Variants in SEMA3A observed in about 807,000 individuals in gnomAD.
SEMA3A encodes semaphorin 3A, also known as semaphorin-3A.
Under a neutral mutation model 97.9 loss-of-function variants are expected in SEMA3A, and 29 were observed. The observed-to-expected ratio is 0.30, with a 90% CI of 0.22 to 0.40. SEMA3A has a LOEUF of 0.40. SEMA3A is among the 10% of genes least tolerant of loss of function. The pLI is 1.00. For missense variants in SEMA3A, 763 were observed against 951.3 expected (o/e 0.80, Z 2.60); for synonymous variants, 321 against 323.7 (o/e 0.99, Z 0.09).
intron 3 of SEMA3A, chr7:84,306,328 A>C (rs1801153718): frequency 6.6e-6 from 1 of 152,058 alleles, no homozygotes; most frequent in African/African-American, 2.4e-5. Context: ...AACCCAATAA[A>C]ATTGTGAATT....
At chr7:84,325,548 T>C (rs988530738) in intron 2 of SEMA3A, among the ~76,000 whole-genome samples, 38 of 151,734 alleles carry the variant, frequency 2.5e-4, no homozygotes, top group African/African-American at 9.0e-4. Context: ...GCTGCAGTGG[T>C]CCAAGCTAGG....
At chr7:84,445,877 AT>A (rs1805401535) in intron 1 of SEMA3A, among the ~76,000 whole-genome samples, 2 of 151,960 alleles carry the variant, frequency 1.3e-5, no homozygotes, top group African/African-American at 4.8e-5. Flanking sequence ...AATAGAAAAG[AT>A]AAAAAAAAAG....
chr7:84,131,566 A>G (rs953478962), intron 2 of SEMA3A, among the ~76,000 whole-genome samples: 25 of 152,104 alleles, frequency 1.6e-4, no homozygotes, highest in African/African-American at 6.0e-4. Context: ...TTTTGCCTCG[A>G]AGAGGGATTT....
In SEMA3A at chr7:83,961,493, G is replaced by T. The variant is rs1016463320; in HGVS notation, c.2194C>A (p.Gln732Lys). 1 of 1,614,034 alleles carries T rather than the reference G, an allele frequency of 6.2e-7. No homozygotes were observed. The highest frequency in any genetic ancestry group is 8.5e-7 in the Non-Finnish European group (1 of 1,179,962). The change falls in exon 17 of 17, where the codon CAA becomes AAA. Residue 732 changes from glutamine (Q) to lysine (K), a missense_variant. Gln to Lys is a moderately conservative substitution (Grantham distance 53, BLOSUM62 1). Transcript: ENST00000265362. ...GTATGTCCTGGCCTTTGCCGACGTTGTTTTCGGTCCCTTTTCCAAACTTGT... is the reference window on the plus strand; with the variant it reads ...GTATGTCCTGGCCTTTGCCGACGTTTTTTTCGGTCCCTTTTCCAAACTTGT... ...CEQVWKRDRKQRRQRPGHTPG... is the reference protein window; with the variant it reads ...CEQVWKRDRKKRRQRPGHTPG...
intron 4 of SEMA3A, among the ~76,000 whole-genome samples, chr7:84,073,622 G>C (rs559436590): frequency 2.0e-5 from 3 of 152,078 alleles, no homozygotes; most frequent in Admixed American, 6.6e-5. Flanking sequence ...GCAATATGAT[G>C]ATGAATCTGA....
intron 2 of SEMA3A, among the ~76,000 whole-genome samples, chr7:84,310,459 CAT>C: frequency 6.6e-6 from 1 of 152,020 alleles, no homozygotes; most frequent in South Asian, 2.1e-4. Context: ...TCCTAACAAG[CAT>C]AGTTTTCACT....
chr7:84,061,711 A>C (rs1036148830), intron 4 of SEMA3A, among the ~76,000 whole-genome samples: 4 of 152,034 alleles, frequency 2.6e-5, no homozygotes, highest in Non-Finnish European at 5.9e-5. Flanking sequence ...TCAAATTATT[A>C]CTCTTAAAAC....
intron 3 of SEMA3A, among the ~76,000 whole-genome samples, chr7:84,125,769 G>C (rs1795775136): frequency 6.6e-6 from 1 of 152,144 alleles, no homozygotes; most frequent in Non-Finnish European, 1.5e-5. Context: ...GAAATGCCTT[G>C]AGGTGAATAA....
intron 3 of SEMA3A, among the ~76,000 whole-genome samples, chr7:84,219,629 A>C (rs547735540): frequency 6.6e-6 from 1 of 152,320 alleles, no homozygotes; most frequent in African/African-American, 2.4e-5. Context: ...TGTCTAAACA[A>C]AAAATGTCCA....
intron 1 of SEMA3A, among the ~76,000 whole-genome samples, chr7:84,434,761 T>C (rs1247706248): frequency 6.6e-6 from 1 of 152,186 alleles, no homozygotes; most frequent in Non-Finnish European, 1.5e-5. Context: ...GATAAAATGC[T>C]ATATGATCAT....
At chr7:84,242,423 C>T (rs1799385461) in intron 3 of SEMA3A, among the ~76,000 whole-genome samples, 1 of 151,986 alleles carries the variant, frequency 6.6e-6, no homozygotes, top group South Asian at 2.1e-4. Context: ...TGATTTGACT[C>T]TTCGTCTATT....
chr7:84,105,046 T>C (rs762286110), intron 4 of SEMA3A, among the ~76,000 whole-genome samples: 1 of 152,078 alleles, frequency 6.6e-6, no homozygotes, highest in African/African-American at 2.4e-5. Flanking sequence ...AACAGCTGAG[T>C]TGCCAATGAA....
intron 2 of SEMA3A, among the ~76,000 whole-genome samples, chr7:84,359,784 G>C (rs1210281564): frequency 6.6e-6 from 1 of 152,016 alleles, no homozygotes; most frequent in Non-Finnish European, 1.5e-5. Flanking sequence ...TTTTTTGCTT[G>C]GTAAGCTATT....
At position 84,021,671 on chromosome 7, in the gene SEMA3A, A is replaced by AT. The variant is rs528056079; in HGVS notation, c.668-7321dup. ...CATCATCTTGTAAACTAATATCCCT[A>AT]TTTTTTTCTTTTTCTTTCTTGCTAA... is the stretch of plus-strand genomic sequence containing the variant. On this transcript the variant is annotated intron_variant, in intron 6 of 16. Transcript: ENST00000265362. Among the ~76,000 whole-genome samples, 5 of 152,014 alleles carry AT rather than the reference A, an allele frequency of 3.3e-5. No homozygotes were observed. The South Asian group carries it at 8.3e-4, about 25-fold the overall frequency.
At chr7:84,057,771 A>C (rs528838760) in intron 5 of SEMA3A, among the ~76,000 whole-genome samples, 25 of 151,386 alleles carry the variant, frequency 1.7e-4, no homozygotes, top group Non-Finnish European at 3.2e-4. Flanking sequence ...TAAATAAATA[A>C]ATAAATAAAT....
At chr7:84,142,877 A>C (rs1015665710) in intron 1 of SEMA3A, among the ~76,000 whole-genome samples, 3 of 151,554 alleles carry the variant, frequency 2.0e-5, no homozygotes, top group Non-Finnish European at 4.4e-5. Flanking sequence ...AACAGAATTC[A>C]CTCCTTTTTC....
At chr7:84,455,359 G>T (rs1227688702) in intron 1 of SEMA3A, among the ~76,000 whole-genome samples, 4 of 151,770 alleles carry the variant, frequency 2.6e-5, no homozygotes, top group Non-Finnish European at 5.9e-5. Flanking sequence ...TTTACAAAGT[G>T]CATTTAAAAA....
At chr7:84,414,145 G>C (rs1210042293) in intron 1 of SEMA3A, among the ~76,000 whole-genome samples, 1 of 151,864 alleles carries the variant, frequency 6.6e-6, no homozygotes, top group Non-Finnish European at 1.5e-5. Context: ...TTATATATTT[G>C]TTTTCTTGTT....
chr7:84,308,212 T>A (rs536036473), intron 2 of SEMA3A, among the ~76,000 whole-genome samples: 22 of 152,150 alleles, frequency 1.4e-4, no homozygotes, highest in Non-Finnish European at 3.1e-4. Flanking sequence ...AAAAATAGAA[T>A]ATATTGTCCT....
Sources: allele counts gnomAD v4.1 joint callset (sites outside exome capture counted in the v4.1 genomes callset), GRCh38; gene constraint gnomAD v4.1.1; transcripts MANE v1.5; gene names NCBI Gene and HGNC (gene_info 2026-07-23, HGNC 2026-07-21).